The following MUC20 variants were observed in gnomAD, a reference collection of about 807,000 sequenced individuals.
MUC20 encodes mucin-20.
A neutral mutation model predicts 23.8 loss-of-function variants in MUC20; 14 were observed. The observed-to-expected ratio is 0.59, with a 90% CI of 0.39 to 0.92. The LOEUF (loss-of-function observed/expected upper bound fraction) is 0.92. MUC20 is among the 40% of genes least tolerant of loss of function. The pLI is 0.00. For synonymous variants in MUC20, 166 were observed against 279.3 expected, an observed-to-expected ratio of 0.59 and a Z score of 4.04; for missense variants, 375 against 668.8, an observed-to-expected ratio of 0.56 and a Z score of 4.85.
intron 2 of MUC20, among the ~76,000 whole-genome samples, chr3:195,728,202 C>T (rs1281865973): frequency 6.6e-6 from 1 of 152,288 alleles, no homozygotes; most frequent in Non-Finnish European, 1.5e-5. Context: ...AGAGAAACAA[C>T]AGTGGGCCCA....
At chr3:195,727,537 A>G (rs1170757577) in intron 2 of MUC20, among the ~76,000 whole-genome samples, 1 of 152,228 alleles carries the variant, frequency 6.6e-6, no homozygotes, top group Admixed American at 6.5e-5. Flanking sequence ...ACTTCCTGTC[A>G]CTCTGCCCTT....
At chr3:195,729,531 G>A (rs1301673891) in intron 2 of MUC20, 117 bp from the exon 3 acceptor site, 3 of 959,832 alleles carry the variant, frequency 3.1e-6, no homozygotes, top group South Asian at 3.1e-5. Flanking sequence ...GGTCAGGCTG[G>A]TCTCAAACTC....
chr3:195,721,913 G>C (rs1712156596), intron 1 of MUC20: 1 of 153,566 alleles, frequency 6.5e-6, no homozygotes, highest in Non-Finnish European at 1.4e-5. Context: ...TGTAATCCCA[G>C]CTACTCGGGA....
At chr3:195,727,157 T>C (rs867934778) in intron 2 of MUC20, among the ~76,000 whole-genome samples, 3 of 152,278 alleles carry the variant, frequency 2.0e-5, no homozygotes, top group Admixed American at 1.3e-4. Flanking sequence ...CCCAGCACTT[T>C]GGGAGGCAGA....
chr3:195,730,052 G>A (rs1277226783), intron 3 of MUC20: 6 of 305,268 alleles, frequency 2.0e-5, no homozygotes, highest in South Asian at 2.1e-4. Flanking sequence ...AGGGTAGGTC[G>A]GACTCTTGGT....
intron 3 of MUC20, among the ~76,000 whole-genome samples, chr3:195,731,565 G>A (rs373372779): frequency 6.6e-6 from 1 of 152,268 alleles, no homozygotes; most frequent in Admixed American, 6.5e-5. Flanking sequence ...GTGGGATCAG[G>A]CTGGCTGGGA....
At chr3:195,732,307 G>T (rs1433315749) in intron 3 of MUC20, among the ~76,000 whole-genome samples, 2 of 152,076 alleles carry the variant, frequency 1.3e-5, no homozygotes, top group Non-Finnish European at 2.9e-5. Flanking sequence ...ATTGCGTCCG[G>T]CTGGGAAGCC....
In MUC20 at chr3:195,733,322, G is replaced by T. The variant is rs1713595744; in HGVS notation, c.*104G>T. Reference sequence around the variant, plus strand: ...TGCAGCTGCGTTACTGTGCTGAGAGGTACCCAGAAGGTTCCCATGAAGGGC... The same window carrying T: ...TGCAGCTGCGTTACTGTGCTGAGAGTTACCCAGAAGGTTCCCATGAAGGGC... On this transcript the variant is annotated 3_prime_UTR_variant, in exon 4 of 4. Transcript: ENST00000447234. 2.0e-6 allele frequency: 3 copies of T among 1,527,184 alleles called. No individual in the cohort carries two copies. The highest frequency in any genetic ancestry group is 1.2e-5 in the South Asian group (1 of 80,782). 94.6% of individuals were successfully genotyped at this position (1,527,184 alleles called of 1,614,324 possible). A position where few individuals can be genotyped will look rare whatever the true frequency, so the allele number is the denominator to read the frequency against.
At position 195,733,272 on chromosome 3, in the gene MUC20, C is replaced by A; in HGVS notation, c.*54C>A. 6.4e-7 allele frequency: 1 copy of A among 1,556,366 alleles called. No homozygotes were observed. Among genetic ancestry groups the A allele is most frequent in the Non-Finnish European group, 8.7e-7 (1 of 1,150,014 alleles). ...CGTATGCCAAAAGAGGGTGCTGCCCCTAGCCTGGGCCCCCACCGACAGACT... is the reference window on the plus strand; with the variant it reads ...CGTATGCCAAAAGAGGGTGCTGCCCATAGCCTGGGCCCCCACCGACAGACT... On this transcript the variant is annotated 3_prime_UTR_variant, in exon 4 of 4. Transcript: ENST00000447234.
In MUC20 at chr3:195,727,711, C is replaced by T. The variant is rs566348819; in HGVS notation, c.1969+1139C>T. ...GTTTCACACCCAGTAAGCACTGGCC[C>T]CAGCAGAACGTTCTCTCCGGTGCCA... is the stretch of plus-strand genomic sequence containing the variant. On this transcript the variant is annotated intron_variant, in intron 2 of 3. Coordinates refer to ENST00000447234, the MANE Select transcript of MUC20 (RefSeq NM_001282506.2). Among the ~76,000 whole-genome samples, 10 of 152,416 alleles carry T rather than the reference C, an allele frequency of 6.6e-5. No individual in the cohort carries two copies. The South Asian group carries it at 2.1e-3, about 32-fold the overall frequency.
chr3:195,729,921 CCGAGTTCTT>C, intron 3 of MUC20, 182 bp downstream of exon 3: 1 of 638,472 alleles, frequency 1.6e-6, no homozygotes, highest in East Asian at 2.8e-5. Context: ...CCTGCCTTCT[CCGAGTTCTT>C]CATTTCCTTC....
rs757813638 is a variant in MUC20 at position 195,726,096 on chromosome 3, C to T, written c.1493C>T (p.Thr498Ile). ...GCTGCACCTGATGCCACGGTTGGGACCCCACTCCCCACTAACAGCGCCACA... is the reference window on the plus strand; with the variant it reads ...GCTGCACCTGATGCCACGGTTGGGATCCCACTCCCCACTAACAGCGCCACA... The part of the protein sequence containing the change: ...ESAAPDATVG[T>I]PLPTNSATER... Residue 498 changes from threonine to isoleucine, a missense_variant, in exon 2 of 4, where the codon ACC becomes ATC. By Grantham distance (89) the Thr-to-Ile change is moderately conservative (BLOSUM62 -1). Coordinates refer to ENST00000447234, the MANE Select transcript of MUC20 (RefSeq NM_001282506.2). 1.2e-6 allele frequency: 2 copies of T among 1,610,310 alleles called. No individual in the cohort carries two copies. Among genetic ancestry groups the T allele is most frequent in the Non-Finnish European group, 1.7e-6 (2 of 1,176,896 alleles).
intron 2 of MUC20, among the ~76,000 whole-genome samples, chr3:195,727,790 CGGCTTTGT>C (rs1712856931): frequency 6.6e-6 from 1 of 152,210 alleles, no homozygotes; most frequent in African/African-American, 2.4e-5. Flanking sequence ...AGTGTGCCAC[CGGCTTTGT>C]ATATGTTATC....
At position 195,726,080 on chromosome 3, in the gene MUC20, G is replaced by T. The variant is rs2688542; in HGVS notation, c.1477G>T (p.Asp493Tyr). 2 of 1,584,362 alleles carry T rather than the reference G, an allele frequency of 1.3e-6. No homozygotes were observed. The change falls in exon 2 of 4, where the codon GAT becomes TAT. Residue 493 changes from aspartate to tyrosine, a missense_variant. Transcript: ENST00000447234. The part of the protein sequence containing the change: ...TAGTTESAAP[D>Y]ATVGTPLPTN... The stretch of plus-strand genomic sequence containing the variant: ...CGGCACCACAGAGTCAGCTGCACCT[G>T]ATGCCACGGTTGGGACCCCACTCCC...
At chr3:195,727,720 C>G (rs991950485) in intron 2 of MUC20, among the ~76,000 whole-genome samples, 1 of 152,284 alleles carries the variant, frequency 6.6e-6, no homozygotes, top group Non-Finnish European at 1.5e-5. Context: ...CCCAGCAGAA[C>G]GTTCTCTCCG....
Position 195,733,405 on chromosome 3 carries a change from G to C in MUC20, c.*187G>C, listed in dbSNP as rs746751433. The C allele has an allele frequency of 6.9e-7, 1 of 1,450,530 alleles. No homozygotes were observed. Among genetic ancestry groups the C allele is most frequent in the African/African-American group, 1.4e-5 (1 of 70,538 alleles). The allele number at this position is 1,450,530 out of a possible 1,614,324, so 89.9% of individuals were successfully genotyped here. A position where few individuals can be genotyped will look rare whatever the true frequency, so the allele number is the denominator to read the frequency against. ...AACAGGACCCTCGCTCACATCCACC[G>C]GAGTGTATGTGTGGGGAGGGGCTTC... On this transcript the variant is annotated 3_prime_UTR_variant, in exon 4 of 4. Coordinates refer to ENST00000447234, the MANE Select transcript of MUC20 (RefSeq NM_001282506.2).
In MUC20 at chr3:195,733,308, T is replaced by C; in HGVS notation, c.*90T>C. On this transcript the variant is annotated 3_prime_UTR_variant, in exon 4 of 4. Coordinates refer to ENST00000447234, the MANE Select transcript of MUC20 (RefSeq NM_001282506.2). ...CCCCACCGACAGACTGCAGCTGCGT[T>C]ACTGTGCTGAGAGGTACCCAGAAGG... 6.5e-7 allele frequency: 1 copy of C among 1,546,334 alleles called. No homozygotes were observed. Among genetic ancestry groups the C allele is most frequent in the Non-Finnish European group, 8.7e-7 (1 of 1,144,180 alleles).
intron 2 of MUC20, among the ~76,000 whole-genome samples, 172 bp downstream of exon 2, chr3:195,726,744 G>T (rs531754284): frequency 3.9e-5 from 6 of 152,326 alleles, no homozygotes; most frequent in African/African-American, 1.4e-4. Flanking sequence ...GGAAAAGGCA[G>T]ATGGAGGGTT....
intron 3 of MUC20, among the ~76,000 whole-genome samples, 190 bp from the exon 4 acceptor site, chr3:195,732,960 A>G (rs1436113303): frequency 3.9e-5 from 6 of 152,224 alleles, no homozygotes; most frequent in African/African-American, 1.4e-4. Context: ...CACCTGCTTT[A>G]TAAGGTTGCT....
Sources: gnomAD v4.1 joint callset for allele counts (sites outside exome capture counted in the v4.1 genomes callset) on GRCh38, gnomAD v4.1.1 for gene constraint, MANE v1.5 for transcripts, NCBI Gene and HGNC (gene_info 2026-07-23, HGNC 2026-07-21) for gene names.